The following PTDSS1 variants were observed in gnomAD, a reference collection of about 807,000 sequenced individuals.
PTDSS1 encodes PSS-1.
A neutral mutation model predicts 70.5 loss-of-function variants in PTDSS1; 45 were observed. The observed-to-expected ratio is 0.64, with a 90% CI of 0.50 to 0.82. The LOEUF (loss-of-function observed/expected upper bound fraction) is 0.82. Among genes scored for constraint, PTDSS1 ranks in the 40% least tolerant of loss-of-function variants. The pLI is 0.00. For missense variants in PTDSS1, 417 were observed against 586.1 expected (o/e 0.71, Z 2.98); for synonymous variants, 188 against 203.8 (o/e 0.92, Z 0.66).
chr8:96,267,526 A>G (rs1357699710), intron 1 of PTDSS1, among the ~76,000 whole-genome samples: 3 of 152,152 alleles, frequency 2.0e-5, no homozygotes, highest in Non-Finnish European at 4.4e-5. Context: ...TTCCCTGTTT[A>G]AAATTCTCGT....
intron 10 of PTDSS1, 74 bp from the exon 11 acceptor site, chr8:96,330,139 T>C (rs1183446219): frequency 7.2e-7 from 1 of 1,393,598 alleles, no homozygotes; most frequent in Non-Finnish European, 1.0e-6. Flanking sequence ...GGTCCTGCAT[T>C]GATTCCCACT....
chr8:96,330,632 C>G lies in PTDSS1; in HGVS notation c.1242+351C>G, dbSNP rs547330254. 1.3e-4 allele frequency: 48 copies of G among 376,676 alleles called. 1 individual carries two copies. The South Asian group carries it at 1.3e-3, about 11-fold the overall frequency. 23.3% of individuals were successfully genotyped at this position (376,676 alleles called of 1,614,324 possible). On this transcript the variant is annotated intron_variant, in intron 11 of 12. Coordinates refer to ENST00000517309, the MANE Select transcript of PTDSS1 (RefSeq NM_014754.3). Reference sequence around the variant, plus strand: ...CTGTGTGGAGGCCTCTTCCTGTGTTCCGGCCTGTGGCTCTTCTGGGCAAAC... The same window carrying G: ...CTGTGTGGAGGCCTCTTCCTGTGTTGCGGCCTGTGGCTCTTCTGGGCAAAC...
intron 9 of PTDSS1, among the ~76,000 whole-genome samples, chr8:96,313,282 C>G (rs950848474): frequency 6.6e-6 from 1 of 152,180 alleles, no homozygotes; most frequent in Non-Finnish European, 1.5e-5. Context: ...TTGCACTCAG[C>G]AGAGAGAGGG....
chr8:96,273,206 T>C (rs1810590909), intron 1 of PTDSS1, 93 bp from the exon 2 acceptor site: 1 of 804,794 alleles, frequency 1.2e-6, no homozygotes, highest in Non-Finnish European at 1.9e-6. Flanking sequence ...CATCTGGCAG[T>C]CCCCCAGTTT....
At chr8:96,312,343 T>C (rs1050886746) in intron 9 of PTDSS1, among the ~76,000 whole-genome samples, 4 of 152,084 alleles carry the variant, frequency 2.6e-5, no homozygotes, top group African/African-American at 9.7e-5. Flanking sequence ...TCTGCTACTG[T>C]GGAGGCTGAG....
chr8:96,311,182 T>C (rs187701278), intron 9 of PTDSS1, among the ~76,000 whole-genome samples: 3 of 152,226 alleles, frequency 2.0e-5, no homozygotes, highest in African/African-American at 4.8e-5. Context: ...TAAGTTGTTT[T>C]TCTACTTAAC....
At chr8:96,279,500 CTCCTTCACTACT>C (rs1810702984) in intron 2 of PTDSS1, among the ~76,000 whole-genome samples, 1 of 151,790 alleles carries the variant, frequency 6.6e-6, no homozygotes, top group South Asian at 2.1e-4. Flanking sequence ...CCTGTGTCCC[CTCCTTCACTACT>C]TTTTGTAAAA....
At chr8:96,279,751 G>A (rs888621837) in intron 2 of PTDSS1, among the ~76,000 whole-genome samples, 1 of 151,930 alleles carries the variant, frequency 6.6e-6, no homozygotes, top group African/African-American at 2.4e-5. Context: ...CCCGGGAGGC[G>A]GAGGTTGTAG....
intron 2 of PTDSS1, 106 bp from the exon 3 acceptor site, chr8:96,284,003 A>T: frequency 1.2e-6 from 1 of 864,864 alleles, no homozygotes; most frequent in Non-Finnish European, 1.8e-6. Context: ...TTTTAACAGT[A>T]GAGAGCTTTT....
At chr8:96,279,844 A>AATAC (rs1810709811) in intron 2 of PTDSS1, among the ~76,000 whole-genome samples, 1 of 150,702 alleles carries the variant, frequency 6.6e-6, no homozygotes, top group Non-Finnish European at 1.5e-5. Context: ...TAAATAAATA[A>AATAC]ATAAATAAAT....
intron 11 of PTDSS1, 190 bp downstream of exon 11, chr8:96,330,471 T>C (rs982051790): frequency 1.7e-6 from 1 of 598,738 alleles, no homozygotes; most frequent in Non-Finnish European, 3.0e-6. Flanking sequence ...TTGTGACGGC[T>C]CTGTTCAGTA....
chr8:96,333,501 C>T lies in PTDSS1; in HGVS notation c.1357C>T (p.His453Tyr), dbSNP rs762160826. 1 of 1,614,114 alleles carries T rather than the reference C, an allele frequency of 6.2e-7. No homozygotes were observed. Among genetic ancestry groups the T allele is most frequent in the Non-Finnish European group, 8.5e-7 (1 of 1,180,000 alleles). Reference sequence around the variant, plus strand: ...CAAGCATGCAGGCAACAACGAAAGCCATTCTTCCAGGAGAAGGAATCGGCA... The same window carrying T: ...CAAGCATGCAGGCAACAACGAAAGCTATTCTTCCAGGAGAAGGAATCGGCA... ...PPKHAGNNES[H>Y]SSRRRNRHSK... is the part of the protein sequence containing the mutation. Residue 453 changes from histidine (H) to tyrosine (Y), a missense_variant, in exon 13 of 13, where the codon CAT (histidine) becomes TAT (tyrosine). Physicochemically the swap from His to Tyr is moderately conservative, Grantham distance 83. Transcript: ENST00000517309.
At chr8:96,327,910 G>A (rs1314385530) in intron 10 of PTDSS1, among the ~76,000 whole-genome samples, 5 of 152,146 alleles carry the variant, frequency 3.3e-5, no homozygotes, top group African/African-American at 7.2e-5. Context: ...CAGTGGGTAC[G>A]TGCCTAGATT....
chr8:96,301,483 C>T (rs921323862), intron 6 of PTDSS1, among the ~76,000 whole-genome samples: 1 of 151,622 alleles, frequency 6.6e-6, no homozygotes, highest in Admixed American at 6.6e-5. Flanking sequence ...AAATATTAAC[C>T]AGTATTTTCT....
intron 2 of PTDSS1, among the ~76,000 whole-genome samples, chr8:96,277,723 G>A (rs1172573091): frequency 3.3e-5 from 5 of 152,114 alleles, no homozygotes; most frequent in African/African-American, 9.7e-5. Context: ...GTCTCATCAC[G>A]TATGTGTGAG....
At chr8:96,277,665 G>A (rs1810667790) in intron 2 of PTDSS1, among the ~76,000 whole-genome samples, 1 of 152,222 alleles carries the variant, frequency 6.6e-6, no homozygotes. Context: ...CCTGTTAAAT[G>A]CTGCCCTGCA....
intron 9 of PTDSS1, among the ~76,000 whole-genome samples, chr8:96,312,453 T>C (rs1326134334): frequency 1.3e-5 from 2 of 148,644 alleles, no homozygotes; most frequent in African/African-American, 5.0e-5. Flanking sequence ...AGCAAGACCC[T>C]GTCTCTCTCT....
Position 96,273,329 on chromosome 8 carries a change from G to C in PTDSS1, c.210G>C (p.Trp70Cys). ...ACTCTGTTCCAGAAGACAACATCTG[G>C]AGAGGCATCCTCTCTGTTATTTTCT... ...RDDSVPEDNI[W>C]RGILSVIFFF... The change falls in exon 2 of 13, where the codon TGG becomes TGC. Residue 70 changes from tryptophan (W) to cysteine (C), a missense_variant. Physicochemically the swap from Trp to Cys is radical, Grantham distance 215. Around this residue, in one of 3 missense-constraint regions of PTDSS1, gnomAD observed 272 missense variants for 429.5 expected, o/e 0.63. Coordinates refer to ENST00000517309, the MANE Select transcript of PTDSS1 (RefSeq NM_014754.3). 1 of 1,611,864 alleles carries C rather than the reference G, an allele frequency of 6.2e-7. No homozygotes were observed. Among genetic ancestry groups the C allele is most frequent in the Non-Finnish European group, 8.5e-7 (1 of 1,179,266 alleles).
intron 1 of PTDSS1, among the ~76,000 whole-genome samples, chr8:96,268,779 G>C (rs373750564): frequency 6.6e-6 from 1 of 152,034 alleles, no homozygotes; most frequent in East Asian, 1.9e-4. Context: ...TGGGATTTTA[G>C]ATATTTGCTG....
Sources: gnomAD v4.1 joint callset for allele counts (sites outside exome capture counted in the v4.1 genomes callset) on GRCh38, gnomAD v4.1.1 for gene constraint, gnomAD v4.1.1 regional missense constraint, MANE v1.5 for transcripts, NCBI Gene and HGNC (gene_info 2026-07-23, HGNC 2026-07-21) for gene names.